The following TRAF3 variants were observed in gnomAD, a reference collection of about 807,000 sequenced individuals.
TRAF3 encodes TNF receptor-associated factor 3.
Under a neutral mutation model 62.3 loss-of-function variants are expected in TRAF3, and 13 were observed. That is an observed-to-expected ratio of 0.21 (90% CI 0.14 to 0.33). The LOEUF (loss-of-function observed/expected upper bound fraction) is 0.33. Among genes scored for constraint, TRAF3 ranks in the 10% least tolerant of loss-of-function variants. The pLI is 1.00. For synonymous variants in TRAF3, 269 were observed against 283.4 expected (o/e 0.95, Z 0.51); for missense variants, 440 against 741.8 (o/e 0.59, Z 4.73).
chr14:102,844,962 A>G (rs974553883), intron 2 of TRAF3, among the ~76,000 whole-genome samples: 19 of 152,082 alleles, frequency 1.2e-4, no homozygotes, highest in South Asian at 2.1e-4. Flanking sequence ...CAGTGGTGCA[A>G]TTTTGGCTCA....
At chr14:102,818,494 G>A (rs1292821416) in intron 1 of TRAF3, among the ~76,000 whole-genome samples, 1 of 152,170 alleles carries the variant, frequency 6.6e-6, no homozygotes, top group Non-Finnish European at 1.5e-5. Context: ...GAGGGAGCTT[G>A]ATTTGAGATG....
intron 8 of TRAF3, 71 bp downstream of exon 8, chr14:102,889,705 T>C: frequency 2.6e-6 from 4 of 1,547,814 alleles, no homozygotes; most frequent in Non-Finnish European, 2.7e-6. Context: ...ATATTAACAT[T>C]TTAACATGCA....
intron 1 of TRAF3, among the ~76,000 whole-genome samples, chr14:102,795,583 G>A (rs1898028690): frequency 8.6e-5 from 3 of 34,860 alleles, no homozygotes; most frequent in East Asian, 1.0e-3. Context: ...TGATATGTAT[G>A]CATGATATGT....
At position 102,903,582 on chromosome 14, in the gene TRAF3, C is replaced by G. The variant is rs1218934843; in HGVS notation, c.1135+153C>G. The G allele has an allele frequency of 5.2e-6, 6 of 1,151,548 alleles. No individual in the cohort carries two copies. The Admixed American group carries it at 9.9e-5, about 19-fold the overall frequency. The allele number at this position is 1,151,548 out of a possible 1,614,324, so 71.3% of individuals were successfully genotyped here. A position where few individuals can be genotyped will look rare whatever the true frequency, so the allele number is the denominator to read the frequency against. On this transcript the variant is annotated intron_variant, in intron 11 of 11. Transcript: ENST00000392745. The surrounding 1 kb of genome is among the most constrained non-coding windows in gnomAD (Gnocchi z 6.4). ...TAACACGCAGAGGTGTGATGACTTT[C>G]CTACTGAAAGTCCCCCAGCAAAGAC...
At chr14:102,809,579 C>G (rs941078905) in intron 1 of TRAF3, among the ~76,000 whole-genome samples, 1 of 135,134 alleles carries the variant, frequency 7.4e-6, no homozygotes, top group African/African-American at 2.9e-5. Flanking sequence ...GTTGCCCAGG[C>G]TGGAGTTCAG....
chr14:102,853,836 C>CT (rs1435909526), intron 2 of TRAF3, among the ~76,000 whole-genome samples: 1 of 104,388 alleles, frequency 9.6e-6, no homozygotes, highest in African/African-American at 7.3e-5. Context: ...AAGACTCCGT[C>CT]TAAAAAAAAA....
chr14:102,792,811 A>G (rs967835755), intron 1 of TRAF3, among the ~76,000 whole-genome samples: 9 of 151,440 alleles, frequency 5.9e-5, no homozygotes, highest in South Asian at 2.1e-4. Flanking sequence ...TTTTGTGTCT[A>G]TGTTCATTAG....
intron 2 of TRAF3, among the ~76,000 whole-genome samples, chr14:102,831,397 C>G (rs749140541): frequency 6.6e-6 from 1 of 152,298 alleles, no homozygotes; most frequent in South Asian, 2.1e-4. Flanking sequence ...GAAACTGTGT[C>G]CCCAAGCTCA....
chr14:102,810,002 C>T (rs2139511298), intron 1 of TRAF3, among the ~76,000 whole-genome samples: 1 of 152,190 alleles, frequency 6.6e-6, no homozygotes, highest in Non-Finnish European at 1.5e-5. Flanking sequence ...AACAGATTGG[C>T]AAACTATGGG....
chr14:102,878,357 T>TG (rs1239302658), intron 6 of TRAF3, among the ~76,000 whole-genome samples: 6 of 121,818 alleles, frequency 4.9e-5, no homozygotes, highest in Non-Finnish European at 9.9e-5. Flanking sequence ...GGTGAGTGTG[T>TG]GGGGGTAAGT....
chr14:102,846,010 T>C (rs8023129), intron 2 of TRAF3, among the ~76,000 whole-genome samples: 1,032 of 67,332 alleles, frequency 0.015, 37 homozygotes, highest in African/African-American at 0.051. Flanking sequence ...AAAAAAAAAA[T>C]ACTATTATAC....
intron 9 of TRAF3, among the ~76,000 whole-genome samples, chr14:102,894,628 A>G (rs1889905232): frequency 6.6e-6 from 1 of 152,232 alleles, no homozygotes; most frequent in Admixed American, 6.5e-5. Flanking sequence ...CTTCGATTAA[A>G]TAAATAAATA....
intron 4 of TRAF3, among the ~76,000 whole-genome samples, chr14:102,874,302 G>A (rs1888515854): frequency 6.6e-6 from 1 of 152,144 alleles, no homozygotes; most frequent in Non-Finnish European, 1.5e-5. Context: ...TCTTGCCCAG[G>A]CTGGAGTACA....
Position 102,906,102 on chromosome 14 carries a change from G to C in TRAF3, c.*318G>C. ...CATATATGCTAAACAAAAGAAACAT[G>C]ATTTTTCTTCCTTAAACTTGAACAC... On this transcript the variant is annotated 3_prime_UTR_variant, in exon 12 of 12. Coordinates refer to ENST00000392745, the MANE Select transcript of TRAF3 (RefSeq NM_145725.3). The C allele has an allele frequency of 1.3e-5, 3 of 237,682 alleles. No individual in the cohort carries two copies. The highest frequency in any genetic ancestry group is 2.9e-3 in the Middle Eastern group (2 of 680). 14.7% of individuals were successfully genotyped at this position (237,682 alleles called of 1,614,324 possible).
chr14:102,885,127 C>G (rs1294252758), intron 6 of TRAF3, among the ~76,000 whole-genome samples: 1 of 152,176 alleles, frequency 6.6e-6, no homozygotes, highest in Non-Finnish European at 1.5e-5. Context: ...TGGGTGCCTG[C>G]AGAGTTGGGC....
intron 1 of TRAF3, among the ~76,000 whole-genome samples, chr14:102,803,683 G>A (rs1595301555): frequency 6.6e-6 from 1 of 151,744 alleles, no homozygotes; most frequent in Non-Finnish European, 1.5e-5. Context: ...GTAGCTGGGT[G>A]TGCACCCTGC....
At chr14:102,801,026 C>T (rs1439200162) in intron 1 of TRAF3, among the ~76,000 whole-genome samples, 5 of 152,116 alleles carry the variant, frequency 3.3e-5, no homozygotes, top group African/African-American at 7.2e-5. Context: ...ATTAGCCGGG[C>T]GCAGTGGCGG....
chr14:102,826,494 G>T lies in TRAF3; in HGVS notation c.-156-3840G>T, dbSNP rs1017716248. On this transcript the variant is annotated intron_variant, in intron 1 of 11. Transcript: ENST00000392745. This position sits in a 1 kb window ranked among gnomAD's most constrained non-coding sequence, Gnocchi z 4.6. Reference sequence around the variant, plus strand: ...TCAGGGAAAGGGCCTTGCTGCCAGGGGTGGGAAGGGAGTCAGTGAAGACGT... The same window carrying T: ...TCAGGGAAAGGGCCTTGCTGCCAGGTGTGGGAAGGGAGTCAGTGAAGACGT... 6.6e-6 allele frequency among the ~76,000 whole-genome samples: 1 copy of T among 152,148 alleles called. No homozygotes were observed.
intron 6 of TRAF3, among the ~76,000 whole-genome samples, chr14:102,881,564 A>G (rs2139891098): frequency 6.6e-6 from 1 of 152,266 alleles, no homozygotes; most frequent in African/African-American, 2.4e-5. Context: ...CATTTAGGGG[A>G]TCAACACACG....
Sources: allele counts gnomAD v4.1 joint callset (sites outside exome capture counted in the v4.1 genomes callset), GRCh38; gene constraint gnomAD v4.1.1; non-coding constraint Gnocchi (gnomAD v3.1); transcripts MANE v1.5; gene names NCBI Gene and HGNC (gene_info 2026-07-23, HGNC 2026-07-21).